The following PDSS2 variants were observed in gnomAD, a reference collection of about 807,000 sequenced individuals.
PDSS2 encodes decaprenyl diphosphate synthase subunit 2.
PDSS2 carries 31 observed loss-of-function variants against 44.5 expected under a neutral mutation model. That is an observed-to-expected ratio of 0.70 (90% CI 0.52 to 0.94). The LOEUF (loss-of-function observed/expected upper bound fraction) is 0.94. PDSS2 is among the 40% of genes least tolerant of loss of function. The pLI is 0.00. For missense variants in PDSS2, 452 were observed against 482.2 expected (o/e 0.94, Z 0.59); for synonymous variants, 157 against 180.3 (o/e 0.87, Z 1.03).
chr6:107,227,988 C>T (rs1444728018), intron 4 of PDSS2, among the ~76,000 whole-genome samples: 1 of 152,162 alleles, frequency 6.6e-6, no homozygotes. Flanking sequence ...GCTTGGGTTT[C>T]ATTTTCTGAA....
At chr6:107,169,581 GCT>G (rs1214651409) in intron 7 of PDSS2, among the ~76,000 whole-genome samples, 8 of 152,066 alleles carry the variant, frequency 5.3e-5, no homozygotes, top group Admixed American at 5.2e-4. Flanking sequence ...CAGCTTTTCT[GCT>G]CTGTTTTTTC....
chr6:107,289,099 G>A (rs1179924233), intron 2 of PDSS2, among the ~76,000 whole-genome samples: 8 of 151,020 alleles, frequency 5.3e-5, no homozygotes, highest in South Asian at 4.2e-4. Context: ...GAGGCCGGGC[G>A]TGGTGGCTCA....
intron 6 of PDSS2, among the ~76,000 whole-genome samples, chr6:107,195,561 ATTTT>A (rs777004545): frequency 2.4e-5 from 3 of 125,092 alleles, no homozygotes; most frequent in Admixed American, 8.9e-5. Context: ...AGATGACTCC[ATTTT>A]TTTTTTTTTT....
intron 2 of PDSS2, among the ~76,000 whole-genome samples, chr6:107,296,533 C>G (rs1010719973): frequency 6.6e-6 from 1 of 152,108 alleles, no homozygotes; most frequent in African/African-American, 2.4e-5. Flanking sequence ...TGAGACCAGC[C>G]TGGCCAATAT....
At chr6:107,378,398 A>T (rs934131214) in intron 1 of PDSS2, among the ~76,000 whole-genome samples, 1 of 152,158 alleles carries the variant, frequency 6.6e-6, no homozygotes, top group African/African-American at 2.4e-5. Context: ...CCAATAAATG[A>T]GTTTAGCAAG....
chr6:107,352,547 A>G (rs1778464304), intron 1 of PDSS2, among the ~76,000 whole-genome samples: 1 of 152,218 alleles, frequency 6.6e-6, no homozygotes, highest in African/African-American at 2.4e-5. Context: ...TCACCTTTTG[A>G]TATACCAGTA....
intron 5 of PDSS2, among the ~76,000 whole-genome samples, chr6:107,211,354 GAATT>G (rs758306167): frequency 6.3e-4 from 95 of 151,998 alleles, no homozygotes; most frequent in African/African-American, 2.1e-3. Flanking sequence ...CCCATTCAAA[GAATT>G]AGTTATTAAA....
chr6:107,379,608 CTTG>C (rs1779395139), intron 1 of PDSS2, among the ~76,000 whole-genome samples: 1 of 152,104 alleles, frequency 6.6e-6, no homozygotes, highest in Non-Finnish European at 1.5e-5. Context: ...ATACACATAA[CTTG>C]TTATCTTTAT....
rs189913633 is a variant in PDSS2, at chr6:107,164,692, T to C, written c.1042-9915A>G. ...TTTGGGTATATACCCAGTAATGGGATGGCTGGGTCAAATGGTATTTCTAGT... is the reference window on the plus strand; with the variant it reads ...TTTGGGTATATACCCAGTAATGGGACGGCTGGGTCAAATGGTATTTCTAGT... On this transcript the variant is annotated intron_variant, in intron 7 of 7. Coordinates refer to ENST00000369037, the MANE Select transcript of PDSS2 (RefSeq NM_020381.4). Among the ~76,000 whole-genome samples the C allele has an allele frequency of 2.2e-3, 336 of 152,334 alleles. 1 individual carries two copies. Among genetic ancestry groups the C allele is most frequent in the African/African-American group, 7.7e-3 (322 of 41,586 alleles).
chr6:107,206,412 C>G (rs1319246207), intron 6 of PDSS2, among the ~76,000 whole-genome samples: 1 of 152,100 alleles, frequency 6.6e-6, no homozygotes, highest in Non-Finnish European at 1.5e-5. Context: ...TAATGCATCT[C>G]TTGTCTAAGA....
chr6:107,326,004 C>T (rs1048522910), intron 2 of PDSS2, among the ~76,000 whole-genome samples: 2 of 152,162 alleles, frequency 1.3e-5, no homozygotes, highest in Admixed American at 1.3e-4. Flanking sequence ...ATTATTCAGC[C>T]ATGATCAAAT....
chr6:107,330,296 T>C (rs1777673579), intron 2 of PDSS2, among the ~76,000 whole-genome samples: 1 of 152,214 alleles, frequency 6.6e-6, no homozygotes, highest in Non-Finnish European at 1.5e-5. Flanking sequence ...CTCAGTCACA[T>C]GGCCAGCCAC....
chr6:107,195,481 C>CAAAAA (rs762125818), intron 6 of PDSS2, among the ~76,000 whole-genome samples: 2 of 87,856 alleles, frequency 2.3e-5, no homozygotes, highest in East Asian at 3.2e-4. Context: ...GATCCTGTCT[C>CAAAAA]AAAAAAAAAA....
Position 107,245,577 on chromosome 6 carries a change from C to G in PDSS2, c.673G>C (p.Gly225Arg). 1 of 1,593,904 alleles carries G rather than the reference C, an allele frequency of 6.3e-7. No individual in the cohort carries two copies. The highest frequency in any genetic ancestry group is 8.6e-7 in the Non-Finnish European group (1 of 1,165,208). The change falls in exon 4 of 8, where the codon GGA becomes CGA. Residue 225 changes from glycine to arginine, a missense_variant. Gly to Arg is a moderately radical substitution (Grantham distance 125). Coordinates refer to ENST00000369037, the MANE Select transcript of PDSS2 (RefSeq NM_020381.4). ...GAAGTAGAATTTTCATGATATACTC[C>G]TTGTACCAAGTCCATAAGAGCACTT... ...LASALMDLVQ[G>R]VYHENSTSKE...
chr6:107,246,115 G>A (rs1774605308), intron 3 of PDSS2, among the ~76,000 whole-genome samples: 1 of 152,040 alleles, frequency 6.6e-6, no homozygotes, highest in Non-Finnish European at 1.5e-5. Flanking sequence ...TATATTTACT[G>A]TGGGGTCCCT....
intron 1 of PDSS2, among the ~76,000 whole-genome samples, chr6:107,451,391 C>G (rs574557827): frequency 3.5e-4 from 53 of 152,150 alleles, no homozygotes; most frequent in South Asian, 1.2e-3. Flanking sequence ...TGAAACCCCT[C>G]GTGGCCTTTG....
intron 1 of PDSS2, among the ~76,000 whole-genome samples, chr6:107,364,454 G>T (rs1341957572): frequency 6.6e-6 from 1 of 152,350 alleles, no homozygotes; most frequent in Admixed American, 6.5e-5. Flanking sequence ...ACTGCTGGGG[G>T]ACTCAGTACA....
chr6:107,178,910 T>C (rs1230006138), intron 7 of PDSS2, among the ~76,000 whole-genome samples: 1 of 152,106 alleles, frequency 6.6e-6, no homozygotes, highest in Admixed American at 6.6e-5. Flanking sequence ...CAGACCTGAG[T>C]AGAATCTTGA....
At chr6:107,376,220 G>A (rs564793021) in intron 1 of PDSS2, among the ~76,000 whole-genome samples, 2 of 152,146 alleles carry the variant, frequency 1.3e-5, no homozygotes, top group East Asian at 3.9e-4. Flanking sequence ...TGTTCTTTTG[G>A]CTTAGGATTG....
Sources: allele counts gnomAD v4.1 joint callset (sites outside exome capture counted in the v4.1 genomes callset), GRCh38; gene constraint gnomAD v4.1.1; transcripts MANE v1.5; gene names NCBI Gene and HGNC (gene_info 2026-07-23, HGNC 2026-07-21).